Variants in FLI1 observed in about 807,000 individuals in gnomAD.
FLI1 encodes the protein Fli-1 proto-oncogene, ETS transcription factor.
FLI1 carries 13 observed loss-of-function variants against 53.1 expected under a neutral mutation model. The ratio of observed to expected loss-of-function variants is 0.24; its 90% CI spans 0.16 to 0.39. The LOEUF (loss-of-function observed/expected upper bound fraction) is 0.39. Ranked by LOEUF, FLI1 falls within the 10% of genes least tolerant of loss-of-function variation. FLI1 has a pLI of 1.00. For missense variants in FLI1, 424 were observed against 600.5 expected (o/e 0.71, Z 3.07); for synonymous variants, 244 against 236.7 (o/e 1.03, Z -0.28).
chr11:128,803,674 C>T (rs946752293), intron 5 of FLI1, among the ~76,000 whole-genome samples: 1 of 152,210 alleles, frequency 6.6e-6, no homozygotes, highest in Non-Finnish European at 1.5e-5. Context: ...ACACCCACTC[C>T]CTGGCCATGC....
intron 1 of FLI1, among the ~76,000 whole-genome samples, chr11:128,753,888 AGGGCATG>A (rs1382427501): frequency 6.6e-6 from 1 of 151,228 alleles, no homozygotes; most frequent in Non-Finnish European, 1.5e-5. Context: ...GTACTTGCCA[AGGGCATG>A]GTCTTGGGGT....
At chr11:128,700,243 C>T (rs1216613859) in intron 1 of FLI1, among the ~76,000 whole-genome samples, 1 of 152,200 alleles carries the variant, frequency 6.6e-6, no homozygotes, top group Non-Finnish European at 1.5e-5. Flanking sequence ...GAGATAATAC[C>T]ATGATGTCTC....
At chr11:128,722,348 GA>G (rs1171119754) in intron 1 of FLI1, among the ~76,000 whole-genome samples, 1 of 152,194 alleles carries the variant, frequency 6.6e-6, no homozygotes, top group Admixed American at 6.5e-5. Context: ...GGAGAAGGGA[GA>G]AGGGCAGGAG....
chr11:128,726,194 C>T (rs1939466501), intron 1 of FLI1, among the ~76,000 whole-genome samples: 1 of 152,146 alleles, frequency 6.6e-6, no homozygotes, highest in African/African-American at 2.4e-5. Flanking sequence ...CAACCGCTGG[C>T]TCAGCCCCCC....
intron 1 of FLI1, among the ~76,000 whole-genome samples, chr11:128,687,315 T>C (rs1452815966): frequency 6.6e-6 from 1 of 151,972 alleles, no homozygotes; most frequent in African/African-American, 2.4e-5. Flanking sequence ...GTAAACAAAC[T>C]GAAGCTGGGA....
chr11:128,794,019 C>T (rs180923394), intron 5 of FLI1, among the ~76,000 whole-genome samples: 49 of 152,238 alleles, frequency 3.2e-4, no homozygotes, highest in African/African-American at 1.0e-3. Flanking sequence ...CTGGGTGGGC[C>T]GTTTGGGTTT....
chr11:128,687,048 G>C (rs1439645124), intron 1 of FLI1: 1 of 155,992 alleles, frequency 6.4e-6, no homozygotes, highest in Non-Finnish European at 1.4e-5. Context: ...TGCATTAAGC[G>C]CGTGCGCGCG....
At chr11:128,799,052 A>ATTTTTTTT (rs199725753) in intron 5 of FLI1, among the ~76,000 whole-genome samples, 16 of 140,444 alleles carry the variant, frequency 1.1e-4, no homozygotes, top group African/African-American at 4.2e-4. Context: ...TATTATTATT[A>ATTTTTTTT]TTTTGCTTTG....
chr11:128,760,952 C>T (rs1941094885), intron 2 of FLI1, among the ~76,000 whole-genome samples: 1 of 152,214 alleles, frequency 6.6e-6, no homozygotes, highest in East Asian at 1.9e-4. Context: ...CTCCCCACTT[C>T]CTCCTGCCTT....
At chr11:128,783,037 T>C (rs1941969936) in intron 5 of FLI1, among the ~76,000 whole-genome samples, 1 of 152,172 alleles carries the variant, frequency 6.6e-6, no homozygotes, top group Non-Finnish European at 1.5e-5. Context: ...AGGGGACTTT[T>C]GAATAGGAGC....
intron 4 of FLI1, among the ~76,000 whole-genome samples, chr11:128,777,532 T>C (rs143911420): frequency 2.2e-3 from 331 of 152,310 alleles, no homozygotes; most frequent in African/African-American, 7.3e-3. Flanking sequence ...AGGTTTTGAG[T>C]CTGGGCAATT....
At chr11:128,698,164 A>T (rs568687500) in intron 1 of FLI1, among the ~76,000 whole-genome samples, 25 of 152,334 alleles carry the variant, frequency 1.6e-4, no homozygotes, top group African/African-American at 6.0e-4. Flanking sequence ...GCAGGGAAAC[A>T]TCTGGACAAG....
chr11:128,685,980 A>T (rs1229522364), upstream of FLI1: 1 of 193,322 alleles, frequency 5.2e-6, no homozygotes, highest in Non-Finnish European at 1.1e-5. Context: ...GCCACTAAAA[A>T]TGAGGACCTG....
chr11:128,709,016 T>C (rs1041041203), intron 1 of FLI1, among the ~76,000 whole-genome samples: 6 of 152,220 alleles, frequency 3.9e-5, no homozygotes, highest in African/African-American at 1.4e-4. Context: ...TGGAGTATTT[T>C]GCCAGATTAC....
chr11:128,712,208 G>C (rs1250958326), intron 1 of FLI1, among the ~76,000 whole-genome samples: 1 of 152,082 alleles, frequency 6.6e-6, no homozygotes, highest in African/African-American at 2.4e-5. Flanking sequence ...AAGAGTCTGG[G>C]ACCTCCTCCT....
chr11:128,811,186 G>A lies in FLI1; in HGVS notation c.*198G>A. 1.7e-6 allele frequency: 1 copy of A among 590,678 alleles called. No individual in the cohort carries two copies. Among genetic ancestry groups the A allele is most frequent in the Non-Finnish European group, 3.0e-6 (1 of 336,472 alleles). 36.6% of individuals were successfully genotyped at this position (590,678 alleles called of 1,614,324 possible). On this transcript the variant is annotated 3_prime_UTR_variant, in exon 9 of 9. Transcript: ENST00000527786. ...CTTTTGCTTCCTCTACCTGAACAAA[G>A]AGATGAATAATTCCATGGGCCAGTA...
rs375364502 is a variant in FLI1, at chr11:128,771,772, C to T, written c.386-1010C>T. ...CTATTCCCTTCCACTTATGAGTCCT[C>T]GAACCACCGCCACACAGTCCATTGC... On this transcript the variant is annotated intron_variant, in intron 3 of 8. Coordinates refer to ENST00000527786, the MANE Select transcript of FLI1 (RefSeq NM_002017.5). Among the ~76,000 whole-genome samples the T allele has an allele frequency of 2.6e-4, 39 of 152,254 alleles. 1 individual carries two copies. The East Asian group carries it at 3.7e-3, about 14-fold the overall frequency.
intron 5 of FLI1, among the ~76,000 whole-genome samples, chr11:128,787,901 G>A (rs1942143130): frequency 6.6e-6 from 1 of 150,686 alleles, no homozygotes; most frequent in Non-Finnish European, 1.5e-5. Flanking sequence ...CCACCTCCCG[G>A]GTTCACGCCA....
intron 4 of FLI1, among the ~76,000 whole-genome samples, chr11:128,781,158 C>A (rs192327110): frequency 6.6e-6 from 1 of 152,216 alleles, no homozygotes; most frequent in Non-Finnish European, 1.5e-5. Flanking sequence ...ACGCGTGACT[C>A]CTCAGGTTCA....
Sources: allele counts gnomAD v4.1 joint callset (sites outside exome capture counted in the v4.1 genomes callset), GRCh38; gene constraint gnomAD v4.1.1; transcripts MANE v1.5; gene names NCBI Gene and HGNC (gene_info 2026-07-23, HGNC 2026-07-21).